BEND6: variants seen among roughly 807,000 people sequenced by gnomAD.
BEND6 encodes the protein BEN domain containing 6.
A neutral mutation model predicts 31.8 loss-of-function variants in BEND6; 24 were observed. That is an observed-to-expected ratio of 0.75 (90% CI 0.55 to 1.06). The LOEUF is 1.06. BEND6 is among the 50% of genes least tolerant of loss of function. The pLI is 0.00. For missense variants in BEND6, 294 were observed against 327.4 expected (o/e 0.90, Z 0.79); for synonymous variants, 109 against 114.6 (o/e 0.95, Z 0.31).
intron 3 of BEND6, chr6:57,008,333 C>A: frequency 1.5e-6 from 1 of 682,522 alleles, no homozygotes. Flanking sequence ...GAAGCCCATG[C>A]AAGGCTACTA....
chr6:56,992,327 C>A, intron 2 of BEND6, 51 bp from the exon 3 acceptor site: 2 of 1,530,462 alleles, frequency 1.3e-6, no homozygotes, highest in Non-Finnish European at 1.8e-6. Flanking sequence ...CAGAGATAAA[C>A]CATTAAAGAT....
intron 3 of BEND6, among the ~76,000 whole-genome samples, chr6:57,007,534 T>C (rs997537277): frequency 6.6e-6 from 1 of 151,626 alleles, no homozygotes; most frequent in Non-Finnish European, 1.5e-5. Flanking sequence ...AAACAAACAA[T>C]CTGATTTAAA....
intron 3 of BEND6, among the ~76,000 whole-genome samples, chr6:57,001,735 A>G (rs985845768): frequency 6.6e-6 from 1 of 152,228 alleles, no homozygotes; most frequent in African/African-American, 2.4e-5. Context: ...AGAGATTCTT[A>G]AGGGAGTTCT....
intron 2 of BEND6, among the ~76,000 whole-genome samples, chr6:56,987,110 TG>T (rs1179092889): frequency 6.6e-6 from 1 of 151,980 alleles, no homozygotes; most frequent in Non-Finnish European, 1.5e-5. Context: ...CCCAAGTAGC[TG>T]GGATTACAGG....
chr6:56,960,929 A>G (rs1474331439), intron 1 of BEND6, among the ~76,000 whole-genome samples: 1 of 152,214 alleles, frequency 6.6e-6, no homozygotes, highest in East Asian at 1.9e-4. Flanking sequence ...AATATAGTAG[A>G]GTTTATATTT....
At chr6:57,010,760 AT>A (rs1827316891) in intron 3 of BEND6, 1 of 859,668 alleles carries the variant, frequency 1.2e-6, no homozygotes, top group Non-Finnish European at 1.4e-6. Flanking sequence ...GTTGGTGAAT[AT>A]TTAACTGATC....
intron 6 of BEND6, among the ~76,000 whole-genome samples, chr6:57,020,302 T>C (rs1827697674): frequency 6.6e-6 from 1 of 150,462 alleles, no homozygotes; most frequent in African/African-American, 2.5e-5. Flanking sequence ...TTTGAAACAG[T>C]GTTCTCACTT....
chr6:57,009,021 G>C (rs1285444247), intron 3 of BEND6: 2 of 152,056 alleles, frequency 1.3e-5, no homozygotes. Context: ...AAATAAGCGA[G>C]GAATAGAAAG....
chr6:56,978,662 A>C (rs947123516), intron 1 of BEND6, among the ~76,000 whole-genome samples: 3 of 152,196 alleles, frequency 2.0e-5, no homozygotes, highest in Non-Finnish European at 4.4e-5. Context: ...CTTTTCATGG[A>C]ACTTCAAATA....
At chr6:56,999,826 A>G (rs1316723215) in intron 3 of BEND6, among the ~76,000 whole-genome samples, 7 of 152,222 alleles carry the variant, frequency 4.6e-5, no homozygotes, top group Non-Finnish European at 8.8e-5. Context: ...GTCAAACTGC[A>G]TGGCCCGATA....
intron 1 of BEND6, among the ~76,000 whole-genome samples, chr6:56,958,200 C>G (rs34616943): frequency 0.12 from 17,938 of 152,234 alleles, 1,351 homozygotes; most frequent in Middle Eastern, 0.2. Context: ...TTATACATCA[C>G]TCCTGCCCAC....
chr6:56,965,581 G>C (rs976814884), intron 1 of BEND6, among the ~76,000 whole-genome samples: 56 of 151,260 alleles, frequency 3.7e-4, no homozygotes, highest in Admixed American at 2.0e-4. Context: ...AGGATCTCTT[G>C]AGCCTAGAAG....
At chr6:56,969,896 G>T (rs1825629060) in intron 1 of BEND6, among the ~76,000 whole-genome samples, 1 of 151,898 alleles carries the variant, frequency 6.6e-6, no homozygotes, top group Non-Finnish European at 1.5e-5. Context: ...GAGACACTGT[G>T]TTTTTCATAA....
intron 2 of BEND6, among the ~76,000 whole-genome samples, chr6:56,985,554 A>G (rs1826231936): frequency 6.6e-6 from 1 of 152,192 alleles, no homozygotes; most frequent in Admixed American, 6.5e-5. Context: ...TTTTAAGGTT[A>G]TCAACAAGTC....
chr6:56,992,481 A>G lies in BEND6; in HGVS notation c.224A>G (p.Lys75Arg). ...AAGGAAGAATTGTGCGCCAAAATAA[A>G]AAGCCTGAAAGAAAAACTAACAAAC... is the stretch of plus-strand genomic sequence containing the variant. ...LSKEELCAKI[K>R]SLKEKLTNTR... is the part of the protein sequence containing the mutation. The change falls in exon 3 of 7, where the codon AAA becomes AGA. Residue 75 changes from lysine (K) to arginine (R), a missense_variant. Physicochemically the swap from Lys to Arg is conservative, Grantham distance 26. Transcript: ENST00000370746. 6.8e-6 allele frequency: 11 copies of G among 1,614,234 alleles called. No homozygotes were observed. The highest frequency in any genetic ancestry group is 9.3e-6 in the Non-Finnish European group (11 of 1,180,036).
At chr6:56,991,645 G>A (rs1826505528) in intron 2 of BEND6, among the ~76,000 whole-genome samples, 1 of 152,118 alleles carries the variant, frequency 6.6e-6, no homozygotes, top group African/African-American at 2.4e-5. Context: ...ACAGGTGTGA[G>A]CCACCGCAGC....
At chr6:56,997,003 A>G (rs576065133) in intron 3 of BEND6, among the ~76,000 whole-genome samples, 1 of 152,340 alleles carries the variant, frequency 6.6e-6, no homozygotes, top group South Asian at 2.1e-4. Flanking sequence ...TACCTCACTC[A>G]GTATAAAAAC....
intron 3 of BEND6, among the ~76,000 whole-genome samples, chr6:56,995,952 A>G (rs1377685891): frequency 6.6e-6 from 1 of 152,172 alleles, no homozygotes; most frequent in Admixed American, 6.5e-5. Context: ...CATCCTTGAA[A>G]AAGGTCCTTT....
At chr6:56,962,238 T>C (rs1043127031) in intron 1 of BEND6, among the ~76,000 whole-genome samples, 27 of 152,342 alleles carry the variant, frequency 1.8e-4, no homozygotes, top group African/African-American at 6.5e-4. Flanking sequence ...TCATTATGAA[T>C]TACTAAGCCT....
Sources: gnomAD v4.1 joint callset for allele counts (sites outside exome capture counted in the v4.1 genomes callset) on GRCh38, gnomAD v4.1.1 for gene constraint, MANE v1.5 for transcripts, NCBI Gene and HGNC (gene_info 2026-07-23, HGNC 2026-07-21) for gene names.